Variants in MLLT3 observed in about 807,000 individuals in gnomAD.
MLLT3 encodes protein AF-9.
Under a neutral mutation model 53.2 loss-of-function variants are expected in MLLT3, and 4 were observed. That is an observed-to-expected ratio of 0.08 (90% confidence interval 0.04 to 0.17). The LOEUF (loss-of-function observed/expected upper bound fraction) is 0.17. Ranked by LOEUF, MLLT3 falls within the 10% of genes least tolerant of loss-of-function variation. The pLI is 1.00. For missense variants in MLLT3, 569 were observed against 684.0 expected (o/e 0.83, Z 1.87); for synonymous variants, 283 against 230.6 (o/e 1.23, Z -2.06).
intron 2 of MLLT3, among the ~76,000 whole-genome samples, chr9:20,478,934 C>T (rs1398652265): frequency 2.0e-5 from 3 of 152,068 alleles, no homozygotes; most frequent in African/African-American, 7.2e-5. Context: ...GCCTGGTGTA[C>T]AATAGCAGCT....
intron 2 of MLLT3, among the ~76,000 whole-genome samples, chr9:20,467,436 G>T (rs1461860004): frequency 3.3e-5 from 5 of 152,128 alleles, no homozygotes; most frequent in African/African-American, 9.7e-5. Flanking sequence ...AAATTAGCTG[G>T]GTGTGGTGGC....
chr9:20,471,752 T>A (rs1824400301), intron 2 of MLLT3, among the ~76,000 whole-genome samples: 1 of 151,996 alleles, frequency 6.6e-6, no homozygotes, highest in African/African-American at 2.4e-5. Context: ...AAGGTGCCAC[T>A]GAGCCAAAAC....
intron 5 of MLLT3, chr9:20,411,192 G>C (rs920736333): frequency 1.3e-5 from 2 of 152,524 alleles, no homozygotes; most frequent in African/African-American, 4.8e-5. Flanking sequence ...GCAGTCCATA[G>C]CAGTCCATAG....
intron 2 of MLLT3, among the ~76,000 whole-genome samples, chr9:20,614,008 T>C (rs943943796): frequency 1.3e-5 from 2 of 152,280 alleles, no homozygotes; most frequent in South Asian, 4.1e-4. Context: ...AATAAATCCA[T>C]ATACAATGTC....
intron 2 of MLLT3, among the ~76,000 whole-genome samples, chr9:20,457,183 C>T (rs1586962811): frequency 6.8e-6 from 1 of 147,896 alleles, no homozygotes; most frequent in African/African-American, 2.5e-5. Flanking sequence ...GTCTTTGATG[C>T]AAATCACTCC....
chr9:20,479,971 G>A (rs1824621846), intron 2 of MLLT3, among the ~76,000 whole-genome samples: 1 of 152,156 alleles, frequency 6.6e-6, no homozygotes, highest in African/African-American at 2.4e-5. Context: ...TTGCAACAGA[G>A]AGTTCCCATG....
At chr9:20,548,142 CTTGT>C (rs1370158182) in intron 2 of MLLT3, among the ~76,000 whole-genome samples, 13 of 152,288 alleles carry the variant, frequency 8.5e-5, no homozygotes, top group South Asian at 2.1e-4. Flanking sequence ...AATCAAGCCT[CTTGT>C]TTAAGTTTAA....
intron 2 of MLLT3, among the ~76,000 whole-genome samples, chr9:20,546,284 T>TA (rs909630238): frequency 2.4e-4 from 36 of 152,030 alleles, no homozygotes; most frequent in African/African-American, 8.0e-4. Flanking sequence ...CATTGCCACT[T>TA]AAAAAATAAA....
intron 2 of MLLT3, among the ~76,000 whole-genome samples, chr9:20,559,058 T>A (rs887050660): frequency 6.6e-6 from 1 of 152,220 alleles, no homozygotes; most frequent in Non-Finnish European, 1.5e-5. Flanking sequence ...TCCACCTTTA[T>A]GGCCCAGGAA....
chr9:20,349,056 A>G (rs1820946258), intron 10 of MLLT3, among the ~76,000 whole-genome samples: 1 of 152,216 alleles, frequency 6.6e-6, no homozygotes, highest in Non-Finnish European at 1.5e-5. Flanking sequence ...AATTTATGCA[A>G]TGGAGGCAAA....
chr9:20,433,505 C>A (rs1823329267), intron 4 of MLLT3, among the ~76,000 whole-genome samples: 1 of 151,972 alleles, frequency 6.6e-6, no homozygotes, highest in African/African-American at 2.4e-5. Flanking sequence ...AGTGGAGAAG[C>A]CTGGAGGATG....
At chr9:20,573,067 A>C (rs960502705) in intron 2 of MLLT3, among the ~76,000 whole-genome samples, 4 of 151,906 alleles carry the variant, frequency 2.6e-5, no homozygotes, top group Non-Finnish European at 1.5e-5. Context: ...TGATACTTTC[A>C]TATCTCCCAC....
At chr9:20,386,382 C>T (rs1386943960) in intron 5 of MLLT3, among the ~76,000 whole-genome samples, 2 of 152,138 alleles carry the variant, frequency 1.3e-5, no homozygotes, top group African/African-American at 4.8e-5. Flanking sequence ...AAGCCTACTA[C>T]CTCAGAAGCC....
At chr9:20,470,927 A>G (rs1173260584) in intron 2 of MLLT3, among the ~76,000 whole-genome samples, 2 of 152,056 alleles carry the variant, frequency 1.3e-5, no homozygotes, top group African/African-American at 2.4e-5. Flanking sequence ...GCAGTGAGAC[A>G]TTTAAAGACA....
chr9:20,382,667 T>G (rs1821934819), intron 5 of MLLT3, among the ~76,000 whole-genome samples: 2 of 151,952 alleles, frequency 1.3e-5, no homozygotes. Flanking sequence ...GATACTACTG[T>G]ATGTGTGGTA....
chr9:20,347,219 G>C (rs573957490), intron 10 of MLLT3, among the ~76,000 whole-genome samples: 2 of 152,136 alleles, frequency 1.3e-5, no homozygotes, highest in Admixed American at 1.3e-4. Context: ...AGTTACATAA[G>C]ATGTTGTCAC....
intron 2 of MLLT3, among the ~76,000 whole-genome samples, chr9:20,472,325 C>T (rs927829694): frequency 2.0e-5 from 3 of 152,072 alleles, no homozygotes; most frequent in African/African-American, 7.2e-5. Context: ...AATGCCACTG[C>T]CATCACCTAT....
intron 5 of MLLT3, among the ~76,000 whole-genome samples, chr9:20,371,060 A>C (rs1821586326): frequency 6.6e-6 from 1 of 152,232 alleles, no homozygotes; most frequent in Admixed American, 6.5e-5. Flanking sequence ...CACCAGCCAC[A>C]ACACTTCCTT....
chr9:20,611,963 A>G (rs1587131486), intron 2 of MLLT3, among the ~76,000 whole-genome samples: 1 of 152,272 alleles, frequency 6.6e-6, no homozygotes, highest in South Asian at 2.1e-4. Context: ...TCTCAAAGGA[A>G]AACTTTAATT....
Sources: allele counts gnomAD v4.1 joint callset (sites outside exome capture counted in the v4.1 genomes callset), GRCh38; gene constraint gnomAD v4.1.1; transcripts MANE v1.5; gene names NCBI Gene and HGNC (gene_info 2026-07-23, HGNC 2026-07-21).